The following ENTPD7 variants were observed in gnomAD, a reference collection of about 807,000 sequenced individuals.
The protein encoded by ENTPD7 is ectonucleoside triphosphate diphosphohydrolase 7.
A neutral mutation model predicts 77.9 loss-of-function variants in ENTPD7; 53 were observed. That is an observed-to-expected ratio of 0.68 (90% confidence interval 0.55 to 0.85). The LOEUF is 0.85. Among genes scored for constraint, ENTPD7 ranks in the 40% least tolerant of loss-of-function variants. ENTPD7 has a pLI of 0.00. For synonymous variants in ENTPD7, 248 were observed against 274.9 expected, an observed-to-expected ratio of 0.90 and a Z score of 0.97; for missense variants, 636 against 743.7, an observed-to-expected ratio of 0.86 and a Z score of 1.68.
At chr10:99,698,403 T>C in intron 9 of ENTPD7, 131 bp from the exon 10 acceptor site, 2 of 856,874 alleles carry the variant, frequency 2.3e-6, no homozygotes, top group Non-Finnish European at 3.5e-6. Flanking sequence ...GAAATTGCAC[T>C]CCATCCTCGT....
At chr10:99,698,995 T>TC in intron 10 of ENTPD7, 137 bp downstream of exon 10, 2 of 759,756 alleles carry the variant, frequency 2.6e-6, no homozygotes, top group Non-Finnish European at 4.1e-6. Flanking sequence ...TGAACACTCA[T>TC]TTTACAGATG....
rs2036341086 is a variant in ENTPD7 at position 99,710,344 on chromosome 10, C to T, written c.*5661C>T. On this transcript the variant is annotated 3_prime_UTR_variant, in exon 13 of 13. Transcript: ENST00000370489. ...TTTGAAATTCTCATTCCACAATTAC[C>T]CTTTAGTTGAAGTCCTGAAGTACAT... 1.0e-6 allele frequency: 1 copy of T among 985,226 alleles called. No individual in the cohort carries two copies. The highest frequency in any genetic ancestry group is 1.7e-5 in the African/African-American group (1 of 57,202). 61.0% of individuals were successfully genotyped at this position (985,226 alleles called of 1,614,324 possible).
At chr10:99,668,174 A>T (rs1217870814) in intron 3 of ENTPD7, among the ~76,000 whole-genome samples, 1 of 151,954 alleles carries the variant, frequency 6.6e-6, no homozygotes, top group Non-Finnish European at 1.5e-5. Context: ...GCCTCATGTG[A>T]TCCACCCACC....
At position 99,710,052 on chromosome 10, in the gene ENTPD7, A is replaced by G. The variant is rs1323174154; in HGVS notation, c.*5369A>G. ...ACAGGCTATGTATAGCCACACATGC[A>G]TGACTTCAGGCTAGCATAAAGACAT... On this transcript the variant is annotated 3_prime_UTR_variant, in exon 13 of 13. Transcript: ENST00000370489. 8.1e-6 allele frequency: 8 copies of G among 985,302 alleles called. No homozygotes were observed. The highest frequency in any genetic ancestry group is 7.2e-6 in the Non-Finnish European group (6 of 829,942). The allele number at this position is 985,302 out of a possible 1,614,324, so 61.0% of individuals were successfully genotyped here.
chr10:99,683,303 T>G (rs2035775733), intron 5 of ENTPD7, among the ~76,000 whole-genome samples: 1 of 152,210 alleles, frequency 6.6e-6, no homozygotes, highest in Non-Finnish European at 1.5e-5. Flanking sequence ...GTAAGCAGAT[T>G]CAAAATAGGG....
At position 99,680,163 on chromosome 10, in the gene ENTPD7, C is replaced by T. The variant is rs540702157; in HGVS notation, c.548+288C>T. On this transcript the variant is annotated intron_variant, in intron 5 of 12. Coordinates refer to ENST00000370489, the MANE Select transcript of ENTPD7 (RefSeq NM_020354.5). ...TTACAGAATAAATTAGGAAGAGGGT[C>T]ACCTGATGACCTGGATACTTAGGGA... Among the ~76,000 whole-genome samples the T allele has an allele frequency of 1.3e-4, 20 of 152,264 alleles. No individual in the cohort carries two copies. In the South Asian group the frequency reaches 3.3e-3, roughly 25 times the overall value.
intron 12 of ENTPD7, among the ~76,000 whole-genome samples, chr10:99,703,746 T>C (rs1276408354): frequency 6.6e-6 from 1 of 152,222 alleles, no homozygotes; most frequent in African/African-American, 2.4e-5. Flanking sequence ...AGACAGGGTC[T>C]TGCTCTGTTG....
chr10:99,676,741 A>G (rs963139560), intron 3 of ENTPD7, among the ~76,000 whole-genome samples: 1 of 152,100 alleles, frequency 6.6e-6, no homozygotes. Flanking sequence ...CAGTGATTTG[A>G]TTTATGGGAA....
In ENTPD7 at chr10:99,679,680, C is replaced by T. The variant is rs750398104; in HGVS notation, c.398-45C>T. The T allele has an allele frequency of 2.2e-5, 35 of 1,577,402 alleles. No homozygotes were observed. The Admixed American group carries it at 2.8e-4, about 12-fold the overall frequency. ...TCAGTTTCCTGAGTCTTATGTGAGC[C>T]GCTTTTTAAAGAAAGTTTTGTCTGT... On this transcript the variant is annotated intron_variant, in intron 4 of 12. Transcript: ENST00000370489.
rs142500499 is a variant in ENTPD7, at chr10:99,661,590, T to C, written c.153T>C (p.His51=). The change falls in exon 3 of 13, where the codon CAT becomes CAC. Residue 51 remains histidine, a synonymous_variant. Transcript: ENST00000370489. ...LLLMLIIDFR[H]WSASLPRDRQ... is the part of the protein sequence containing the mutation. ...TTATGTTAATCATAGACTTTCGACA[T>C]TGGAGTGCTTCATTACCACGAGATA... is the stretch of plus-strand genomic sequence containing the variant. 2.0e-4 allele frequency: 317 copies of C among 1,612,482 alleles called. 2 individuals are homozygous for C. The East Asian group carries it at 6.6e-3, about 33-fold the overall frequency.
chr10:99,679,917 A>G, intron 5 of ENTPD7, 42 bp downstream of exon 5: 1 of 1,581,482 alleles, frequency 6.3e-7, no homozygotes, highest in Non-Finnish European at 8.6e-7. Context: ...ACGGTGGCAC[A>G]AGAGATGAAA....
chr10:99,679,576 A>C, intron 4 of ENTPD7, 110 bp downstream of exon 4: 1 of 1,425,306 alleles, frequency 7.0e-7, no homozygotes, highest in Non-Finnish European at 9.4e-7. Flanking sequence ...GGGTAATGGG[A>C]GGGATATCTC....
rs1414892473 is a variant in ENTPD7 at position 99,661,388 on chromosome 10, T to C, written c.9-58T>C. On this transcript the variant is annotated intron_variant, in intron 2 of 12. Coordinates refer to ENST00000370489, the MANE Select transcript of ENTPD7 (RefSeq NM_020354.5). ...AGGGTTTTATCCAATTTTAAAACGA[T>C]ATTTAAGCACTCAGTTGTAGAAATG... 4 of 1,456,194 alleles carry C rather than the reference T, an allele frequency of 2.7e-6. No homozygotes were observed. In the Admixed American group the frequency reaches 9.0e-5, roughly 33 times the overall value. 90.2% of individuals were successfully genotyped at this position (1,456,194 alleles called of 1,614,324 possible). A position where few individuals can be genotyped will look rare whatever the true frequency, so the allele number is the denominator to read the frequency against.
intron 8 of ENTPD7, among the ~76,000 whole-genome samples, chr10:99,693,190 G>A (rs746201639): frequency 6.6e-6 from 1 of 152,160 alleles, no homozygotes; most frequent in Non-Finnish European, 1.5e-5. Flanking sequence ...TAAGGGCAGG[G>A]GTGATATTAA....
chr10:99,691,155 TAA>T (rs199637784), intron 7 of ENTPD7, among the ~76,000 whole-genome samples: 1 of 150,840 alleles, frequency 6.6e-6, no homozygotes, highest in Non-Finnish European at 1.5e-5. Flanking sequence ...CCCAGCTAAT[TAA>T]AAAAAATTTT....
intron 7 of ENTPD7, among the ~76,000 whole-genome samples, chr10:99,690,507 A>G (rs551318810): frequency 6.6e-6 from 1 of 151,916 alleles, no homozygotes; most frequent in South Asian, 2.1e-4. Context: ...AGATATTGAC[A>G]TAAACATTTA....
intron 7 of ENTPD7, among the ~76,000 whole-genome samples, chr10:99,691,134 G>A (rs1420712268): frequency 6.6e-6 from 1 of 151,960 alleles, no homozygotes; most frequent in African/African-American, 2.4e-5. Flanking sequence ...CTACAGGTGT[G>A]CACCACCATG....
chr10:99,675,490 T>C (rs1179467052), intron 3 of ENTPD7, among the ~76,000 whole-genome samples: 1 of 134,452 alleles, frequency 7.4e-6, no homozygotes, highest in Non-Finnish European at 1.5e-5. Context: ...TGGATTTTAA[T>C]GTAACAGAGT....
intron 3 of ENTPD7, among the ~76,000 whole-genome samples, chr10:99,674,172 G>A (rs1391185267): frequency 6.6e-6 from 1 of 152,204 alleles, no homozygotes; most frequent in East Asian, 1.9e-4. Context: ...GAAGCAGATG[G>A]ATGTTAAAGA....
Sources: allele counts gnomAD v4.1 joint callset (sites outside exome capture counted in the v4.1 genomes callset), GRCh38; gene constraint gnomAD v4.1.1; transcripts MANE v1.5; gene names NCBI Gene and HGNC (gene_info 2026-07-23, HGNC 2026-07-21).